The following TAFA2 variants were observed in gnomAD, a reference collection of about 807,000 sequenced individuals.
TAFA2 encodes the protein TAFA chemokine like family member 2.
In TAFA2, 7 loss-of-function variants were observed where a neutral mutation model predicts 18.8. The observed-to-expected ratio is 0.37, with a 90% CI of 0.21 to 0.70. The LOEUF is 0.70. TAFA2 is among the 30% of genes least tolerant of loss of function. The probability of loss-of-function intolerance (pLI) is 0.53; values close to 1 mark genes in which losing one functional copy is unlikely to be tolerated. For synonymous variants in TAFA2, 60 were observed against 54.2 expected, an observed-to-expected ratio of 1.11 and a Z score of -0.47; for missense variants, 122 against 158.1, an observed-to-expected ratio of 0.77 and a Z score of 1.23.
chr12:61,962,429 A>T (rs1878918616), intron 1 of TAFA2, among the ~76,000 whole-genome samples: 1 of 151,918 alleles, frequency 6.6e-6, no homozygotes, highest in South Asian at 2.1e-4. Flanking sequence ...GTGGATGAGG[A>T]CTGGAATCAT....
At chr12:61,999,618 G>C (rs540073022) in intron 1 of TAFA2, among the ~76,000 whole-genome samples, 1 of 152,274 alleles carries the variant, frequency 6.6e-6, no homozygotes, top group Non-Finnish European at 1.5e-5. Context: ...AAACTCCCAA[G>C]CAAGTATTTA....
At chr12:62,122,818 C>T (rs377481352) in intron 1 of TAFA2, among the ~76,000 whole-genome samples, 2 of 152,120 alleles carry the variant, frequency 1.3e-5, no homozygotes, top group Admixed American at 6.6e-5. Context: ...TGAACTGCAC[C>T]GCATAGGGGT....
intron 2 of TAFA2, among the ~76,000 whole-genome samples, chr12:61,842,157 T>A (rs116363295): frequency 2.0e-5 from 3 of 151,922 alleles, no homozygotes; most frequent in Non-Finnish European, 4.4e-5. Context: ...TCATGAGTCT[T>A]CTCAGCCACA....
chr12:61,923,495 G>C (rs1187291410), intron 1 of TAFA2, among the ~76,000 whole-genome samples: 2 of 152,182 alleles, frequency 1.3e-5, no homozygotes, highest in Admixed American at 6.5e-5. Flanking sequence ...CTGCAGCAGA[G>C]GTGCCTGACT....
At chr12:62,027,555 C>T (rs1444525295) in intron 1 of TAFA2, among the ~76,000 whole-genome samples, 1 of 150,402 alleles carries the variant, frequency 6.6e-6, no homozygotes, top group Admixed American at 6.6e-5. Flanking sequence ...CATTGGAATC[C>T]CAAAAGTCTA....
intron 1 of TAFA2, among the ~76,000 whole-genome samples, chr12:62,058,475 T>C (rs1425650576): frequency 6.6e-6 from 1 of 152,230 alleles, no homozygotes; most frequent in African/African-American, 2.4e-5. Context: ...ACACTGGAGA[T>C]ACAGCAGTGA....
chr12:62,139,612 A>G (rs1286118219), intron 1 of TAFA2, among the ~76,000 whole-genome samples: 2 of 152,202 alleles, frequency 1.3e-5, no homozygotes, highest in African/African-American at 4.8e-5. Flanking sequence ...TGCACCAGAG[A>G]AACATTTTCT....
intron 1 of TAFA2, among the ~76,000 whole-genome samples, chr12:62,245,370 T>C (rs1488026509): frequency 6.6e-6 from 1 of 151,962 alleles, no homozygotes; most frequent in Admixed American, 6.6e-5. Flanking sequence ...TTTTACTTAA[T>C]AGATAATTGA....
chr12:62,244,410 T>C (rs2062875796), intron 1 of TAFA2, among the ~76,000 whole-genome samples: 1 of 152,142 alleles, frequency 6.6e-6, no homozygotes, highest in African/African-American at 2.4e-5. Flanking sequence ...ATGCACTCCT[T>C]ATGAAATAAT....
intron 1 of TAFA2, among the ~76,000 whole-genome samples, chr12:62,228,699 G>A (rs1361051843): frequency 6.6e-6 from 1 of 151,854 alleles, no homozygotes; most frequent in African/African-American, 2.4e-5. Flanking sequence ...GGATTTTTTT[G>A]GTTATTCAGG....
chr12:62,161,044 T>A (rs2062403889), intron 1 of TAFA2, among the ~76,000 whole-genome samples: 1 of 152,168 alleles, frequency 6.6e-6, no homozygotes, highest in Admixed American at 6.5e-5. Context: ...AAAGATACGG[T>A]ACAAAAGTAC....
At chr12:62,138,348 C>A (rs1218670403) in intron 1 of TAFA2, among the ~76,000 whole-genome samples, 1 of 152,102 alleles carries the variant, frequency 6.6e-6, no homozygotes, top group East Asian at 1.9e-4. Context: ...TTCTCCTACC[C>A]TTCTTTATTT....
Position 61,882,201 on chromosome 12 carries a change from A to G in TAFA2, c.-1-14775T>C, listed in dbSNP as rs557622641. Among the ~76,000 whole-genome samples the G allele has an allele frequency of 5.4e-4, 82 of 152,188 alleles. 1 individual carries two copies. The highest frequency in any genetic ancestry group is 1.3e-4 in the Non-Finnish European group (9 of 68,014). On this transcript the variant is annotated intron_variant, in intron 1 of 4. Transcript: ENST00000416284. ...TTTATTCTTGAAAGGACAGGATCTG[A>G]TGTTTCTACTCTACACTTTAGCAGT...
chr12:61,800,827 CT>C (rs1871370467), intron 2 of TAFA2, among the ~76,000 whole-genome samples: 1 of 152,028 alleles, frequency 6.6e-6, no homozygotes, highest in African/African-American at 2.4e-5. Flanking sequence ...TAAGGAGGAC[CT>C]TTATGGAGAA....
At chr12:61,938,251 A>G (rs1365941120) in intron 1 of TAFA2, among the ~76,000 whole-genome samples, 5 of 149,010 alleles carry the variant, frequency 3.4e-5, no homozygotes, top group South Asian at 2.1e-4. Flanking sequence ...AAAAAAAAAA[A>G]GGGAAAACTT....
At position 62,079,498 on chromosome 12, in the gene TAFA2, C is replaced by CA. The variant is rs368325566; in HGVS notation, c.-2+111760dup. 4.8e-3 allele frequency among the ~76,000 whole-genome samples: 526 copies of CA among 109,300 alleles called. 2 individuals carry two copies. The highest frequency in any genetic ancestry group is 0.011 in the African/African-American group (339 of 31,638). 71.7% of individuals were successfully genotyped at this position (109,300 alleles called of 152,430 possible). ...TGAAACCCCGTCTCTACTAAAAATA[C>CA]AAAAAAAAAAAAAAAATTAGCCAGA... On this transcript the variant is annotated intron_variant, in intron 1 of 4. Coordinates refer to ENST00000416284, the MANE Select transcript of TAFA2 (RefSeq NM_178539.5).
intron 2 of TAFA2, among the ~76,000 whole-genome samples, chr12:61,774,864 A>G (rs1197725606): frequency 6.6e-6 from 1 of 152,014 alleles, no homozygotes; most frequent in Admixed American, 6.6e-5. Context: ...AAATAAAGAC[A>G]TTGTCAAGAG....
At chr12:61,862,811 C>A (rs889587664) in intron 2 of TAFA2, among the ~76,000 whole-genome samples, 2 of 152,158 alleles carry the variant, frequency 1.3e-5, no homozygotes, top group Non-Finnish European at 2.9e-5. Flanking sequence ...ACCCAAAGGG[C>A]TATTTAAAAA....
chr12:62,243,259 A>G (rs141951552), intron 1 of TAFA2, among the ~76,000 whole-genome samples: 37 of 152,322 alleles, frequency 2.4e-4, no homozygotes, highest in African/African-American at 8.7e-4. Context: ...CTTACTGATA[A>G]AAGAAGCATG....
Sources: allele counts gnomAD v4.1 joint callset (sites outside exome capture counted in the v4.1 genomes callset), GRCh38; gene constraint gnomAD v4.1.1; transcripts MANE v1.5; gene names NCBI Gene and HGNC (gene_info 2026-07-23, HGNC 2026-07-21).